The following CHSY3 variants were observed in gnomAD, a reference collection of about 807,000 sequenced individuals.
CHSY3 encodes the protein N-acetylgalactosaminyl-proteoglycan 3-beta-glucuronosyltransferase 3.
A neutral mutation model predicts 67.2 loss-of-function variants in CHSY3; 35 were observed. The ratio of observed to expected loss-of-function variants is 0.52; its 90% CI spans 0.40 to 0.69. The LOEUF (loss-of-function observed/expected upper bound fraction) is 0.69. Among genes scored for constraint, CHSY3 ranks in the 30% least tolerant of loss-of-function variants. The pLI is 0.00. For synonymous variants in CHSY3, 474 were observed against 434.7 expected, an observed-to-expected ratio of 1.09 and a Z score of -1.12; for missense variants, 1,069 against 1,138.5, an observed-to-expected ratio of 0.94 and a Z score of 0.88.
chr5:129,984,532 T>C (rs1763116420), intron 2 of CHSY3, among the ~76,000 whole-genome samples: 1 of 152,154 alleles, frequency 6.6e-6, no homozygotes, highest in Non-Finnish European at 1.5e-5. Context: ...TTCCTTTGAG[T>C]ATATGCCCCG....
chr5:130,150,012 T>C (rs1319228325), intron 2 of CHSY3, among the ~76,000 whole-genome samples: 1 of 152,220 alleles, frequency 6.6e-6, no homozygotes, highest in African/African-American at 2.4e-5. Flanking sequence ...AAAGTATGTA[T>C]ATAAAAATAA....
chr5:129,914,568 G>A (rs1760677253), intron 2 of CHSY3, among the ~76,000 whole-genome samples: 1 of 152,150 alleles, frequency 6.6e-6, no homozygotes, highest in Non-Finnish European at 1.5e-5. Context: ...TCACAATTTA[G>A]TTTTTAACTT....
intron 2 of CHSY3, among the ~76,000 whole-genome samples, chr5:129,985,313 T>G (rs1173071947): frequency 6.6e-6 from 1 of 152,194 alleles, no homozygotes; most frequent in Non-Finnish European, 1.5e-5. Context: ...TTGTCAGCTT[T>G]GTTGAAGATC....
intron 2 of CHSY3, among the ~76,000 whole-genome samples, chr5:130,057,171 A>T (rs572099204): frequency 6.6e-6 from 1 of 151,406 alleles, no homozygotes; most frequent in Non-Finnish European, 1.5e-5. Context: ...TGATCCACCC[A>T]CCTCAGCCTC....
At chr5:130,022,161 A>G (rs1333207053) in intron 2 of CHSY3, among the ~76,000 whole-genome samples, 1 of 152,086 alleles carries the variant, frequency 6.6e-6, no homozygotes, top group Non-Finnish European at 1.5e-5. Flanking sequence ...TTAATTCTAT[A>G]CCCAGGGGAT....
intron 2 of CHSY3, among the ~76,000 whole-genome samples, chr5:130,053,332 T>C (rs910543325): frequency 6.6e-6 from 1 of 152,018 alleles, no homozygotes; most frequent in Non-Finnish European, 1.5e-5. Flanking sequence ...TAGTTAAAAG[T>C]AATAAGGAAG....
intron 2 of CHSY3, among the ~76,000 whole-genome samples, chr5:129,962,885 G>T (rs561226088): frequency 6.6e-6 from 1 of 152,004 alleles, no homozygotes; most frequent in East Asian, 1.9e-4. Flanking sequence ...CACATGGGTT[G>T]TGATGTAGGC....
At chr5:130,056,869 A>G (rs949297802) in intron 2 of CHSY3, among the ~76,000 whole-genome samples, 3 of 148,864 alleles carry the variant, frequency 2.0e-5, no homozygotes, top group East Asian at 2.0e-4. Flanking sequence ...CACAAAGACT[A>G]TATGCTACCT....
chr5:129,963,635 C>T (rs751678502), intron 2 of CHSY3, among the ~76,000 whole-genome samples: 1 of 151,920 alleles, frequency 6.6e-6, no homozygotes, highest in Non-Finnish European at 1.5e-5. Context: ...TGGGACAAAG[C>T]CCAGAGCTGC....
intron 2 of CHSY3, among the ~76,000 whole-genome samples, chr5:130,072,464 A>T (rs1766106739): frequency 6.6e-6 from 1 of 152,100 alleles, no homozygotes; most frequent in Admixed American, 6.6e-5. Context: ...AAATCTATTG[A>T]TAGTAAATAC....
chr5:130,164,488 T>A (rs1208975974), intron 2 of CHSY3, among the ~76,000 whole-genome samples: 2 of 152,182 alleles, frequency 1.3e-5, no homozygotes, highest in Non-Finnish European at 2.9e-5. Flanking sequence ...AGTATATATA[T>A]GTTTTATTCA....
chr5:130,092,769 G>A (rs541978738), intron 2 of CHSY3, among the ~76,000 whole-genome samples: 10 of 152,296 alleles, frequency 6.6e-5, no homozygotes, highest in Non-Finnish European at 1.2e-4. Context: ...TGGGAGATCA[G>A]TCTCATATCC....
chr5:129,955,488 C>T (rs571577915), intron 2 of CHSY3, among the ~76,000 whole-genome samples: 2 of 150,318 alleles, frequency 1.3e-5, no homozygotes, highest in South Asian at 4.2e-4. Flanking sequence ...TTCCTCCTTT[C>T]TTTCCTTCCT....
At chr5:129,932,396 G>C (rs1309731009) in intron 2 of CHSY3, among the ~76,000 whole-genome samples, 1 of 151,858 alleles carries the variant, frequency 6.6e-6, no homozygotes, top group Non-Finnish European at 1.5e-5. Flanking sequence ...CAATATGATG[G>C]AGAATGAGAT....
chr5:130,081,793 A>G (rs748247703), intron 2 of CHSY3, among the ~76,000 whole-genome samples: 1 of 152,040 alleles, frequency 6.6e-6, no homozygotes, highest in Non-Finnish European at 1.5e-5. Context: ...AGCATGTGGA[A>G]CTGTGAGTTC....
intron 2 of CHSY3, among the ~76,000 whole-genome samples, chr5:129,985,757 A>G (rs536079442): frequency 7.9e-5 from 12 of 152,202 alleles, no homozygotes; most frequent in Middle Eastern, 3.4e-3. Context: ...GGTTAGCTCT[A>G]TTCCTAGGTA....
At chr5:129,933,929 T>C (rs982927733) in intron 2 of CHSY3, among the ~76,000 whole-genome samples, 2 of 152,172 alleles carry the variant, frequency 1.3e-5, no homozygotes, top group African/African-American at 4.8e-5. Flanking sequence ...TTGATGTTCA[T>C]GTGAAATGGA....
At chr5:130,096,681 G>C (rs867484179) in intron 2 of CHSY3, among the ~76,000 whole-genome samples, 3 of 151,836 alleles carry the variant, frequency 2.0e-5, no homozygotes, top group African/African-American at 7.3e-5. Flanking sequence ...TAAGTATGAC[G>C]TAAGGTGTTG....
intron 2 of CHSY3, among the ~76,000 whole-genome samples, chr5:129,925,648 C>T (rs1044012457): frequency 1.8e-4 from 28 of 151,990 alleles, no homozygotes; most frequent in African/African-American, 5.1e-4. Flanking sequence ...ATAATCACAA[C>T]GTACAATAGC....
Sources: gnomAD v4.1 joint callset for allele counts (sites outside exome capture counted in the v4.1 genomes callset) on GRCh38, gnomAD v4.1.1 for gene constraint, MANE v1.5 for transcripts, NCBI Gene and HGNC (gene_info 2026-07-23, HGNC 2026-07-21) for gene names.